ANKRD12: variants seen among roughly 807,000 people sequenced by gnomAD.
ANKRD12 encodes the protein ankyrin repeat domain-containing protein 12.
In ANKRD12, 85 loss-of-function variants were observed where a neutral mutation model predicts 183.4. That is an observed-to-expected ratio of 0.46 (90% confidence interval 0.39 to 0.56). The LOEUF is 0.56. Ranked by LOEUF, ANKRD12 falls within the 20% of genes least tolerant of loss-of-function variation. The probability of loss-of-function intolerance (pLI) is 0.00; values close to 1 mark genes in which losing one functional copy is unlikely to be tolerated. For missense variants in ANKRD12, 2,405 were observed against 2,357.1 expected (o/e 1.02, Z -0.42); for synonymous variants, 914 against 800.2 (o/e 1.14, Z -2.40).
At chr18:9,172,842 T>C (rs1304528322) in intron 1 of ANKRD12, among the ~76,000 whole-genome samples, 1 of 152,188 alleles carries the variant, frequency 6.6e-6, no homozygotes. Flanking sequence ...TTTCTCATCT[T>C]TGTGGGCTTA....
chr18:9,234,855 G>A (rs990917816), intron 8 of ANKRD12, among the ~76,000 whole-genome samples: 1 of 152,138 alleles, frequency 6.6e-6, no homozygotes, highest in African/African-American at 2.4e-5. Flanking sequence ...TTGTAGTTCA[G>A]ATTGCAGCAG....
chr18:9,242,618 A>C (rs1242192862), intron 8 of ANKRD12, among the ~76,000 whole-genome samples: 1 of 152,192 alleles, frequency 6.6e-6, no homozygotes, highest in East Asian at 1.9e-4. Context: ...CGACATCAAA[A>C]TTTTTGTAGT....
chr18:9,261,075 A>T (rs185977264), intron 9 of ANKRD12, among the ~76,000 whole-genome samples: 3 of 152,108 alleles, frequency 2.0e-5, no homozygotes, highest in Admixed American at 2.0e-4. Context: ...GTATTTTTCG[A>T]ACCCATTTCC....
Position 9,275,536 on chromosome 18 carries a change from G to T in ANKRD12, c.5776G>T (p.Val1926Leu), listed in dbSNP as rs774191390. Residue 1926 changes from valine (V) to leucine (L), a missense_variant, in exon 11 of 13, where the codon GTA becomes TTA. By Grantham distance (32) the Val-to-Leu change is conservative. Transcript: ENST00000262126. ...QHSIEREKLI[V>L]SNEQEVLRVH... ...TTTATTCAACTAGGAAAAACTCATT[G>T]TATCCAACGAACAAGAAGTTTTGCG... 10 of 1,600,222 alleles carry T rather than the reference G, an allele frequency of 6.2e-6. No individual in the cohort carries two copies. The highest frequency in any genetic ancestry group is 6.8e-6 in the Non-Finnish European group (8 of 1,173,546).
rs574728493 is a variant in ANKRD12 at position 9,284,429 on chromosome 18, A to G, written c.*3303A>G. 2 of 152,292 alleles carry G rather than the reference A, an allele frequency of 1.3e-5. No homozygotes were observed. The highest frequency in any genetic ancestry group is 3.9e-4 in the East Asian group (2 of 5,190). The allele number at this position is 152,292 out of a possible 1,614,324, so 9.4% of individuals were successfully genotyped here. ...GTCTCTGATATCTTAAAACATAAAA[A>G]CCCAAAATTTTATATAGAAGAAATT... On this transcript the variant is annotated 3_prime_UTR_variant, in exon 13 of 13. Transcript: ENST00000262126.
At chr18:9,278,953 G>A (rs2039980204) in intron 11 of ANKRD12, among the ~76,000 whole-genome samples, 1 of 151,938 alleles carries the variant, frequency 6.6e-6, no homozygotes, top group African/African-American at 2.4e-5. Flanking sequence ...ACAAGCTGAA[G>A]AGAGGTTACC....
chr18:9,169,517 C>A (rs182618833), intron 1 of ANKRD12, among the ~76,000 whole-genome samples: 1,625 of 151,946 alleles, frequency 0.011, 22 homozygotes, highest in African/African-American at 0.037. Flanking sequence ...CTGTTTTATC[C>A]GAGACTAGGA....
chr18:9,170,800 G>GT (rs2032631177), intron 1 of ANKRD12, among the ~76,000 whole-genome samples: 1 of 152,128 alleles, frequency 6.6e-6, no homozygotes, highest in Non-Finnish European at 1.5e-5. Flanking sequence ...AGAGTTTCCA[G>GT]TTTTTCTGCT....
At chr18:9,205,526 G>A (rs988509374) in intron 4 of ANKRD12, among the ~76,000 whole-genome samples, 2 of 151,990 alleles carry the variant, frequency 1.3e-5, no homozygotes, top group East Asian at 1.9e-4. Context: ...GTAGTGCCTG[G>A]TTACCAAAAT....
At position 9,257,119 on chromosome 18, in the gene ANKRD12, C is replaced by T. The variant is rs2038680795; in HGVS notation, c.3852C>T (p.Ser1284=). The change falls in exon 9 of 13, where the codon TCC becomes TCT. Residue 1284 remains serine, a synonymous_variant. Coordinates refer to ENST00000262126, the MANE Select transcript of ANKRD12 (RefSeq NM_015208.5). ...CATATGCAAACAGACTTTCAACATCCCATCTTAGGTCATCTTCTGTAGAAG... is the reference window on the plus strand; with the variant it reads ...CATATGCAAACAGACTTTCAACATCTCATCTTAGGTCATCTTCTGTAGAAG... ...KPPYANRLST[S]HLRSSSVEDV... The T allele has an allele frequency of 1.2e-6, 2 of 1,614,138 alleles. No homozygotes were observed. The highest frequency in any genetic ancestry group is 1.3e-5 in the African/African-American group (1 of 75,036).
At chr18:9,168,593 A>G (rs2032338173) in intron 1 of ANKRD12, among the ~76,000 whole-genome samples, 1 of 151,916 alleles carries the variant, frequency 6.6e-6, no homozygotes. Context: ...TATTGCGTCT[A>G]TTTGATTCTT....
At chr18:9,160,976 AT>A (rs1349895876) in intron 1 of ANKRD12, among the ~76,000 whole-genome samples, 22 of 152,054 alleles carry the variant, frequency 1.4e-4, no homozygotes, top group Non-Finnish European at 2.9e-5. Flanking sequence ...GTTTTGGTGT[AT>A]TTTGTTCTCC....
rs772304344 is a variant in ANKRD12, at chr18:9,254,843, A to T, written c.1576A>T (p.Ser526Cys). The change falls in exon 9 of 13, where the codon AGC (serine) becomes TGC (cysteine). Residue 526 changes from serine to cysteine, a missense_variant. By Grantham distance (112) the Ser-to-Cys change is moderately radical. Around this residue, in one of 7 missense-constraint regions of ANKRD12, gnomAD observed 1,983 missense variants for 1,725.9 expected, o/e 1.15. Transcript: ENST00000262126. ...GGAGGGGAACTTTAGGAAATCTTTT[A>T]GCCCAAAAGATGATACTTCATTACA... ...REEGNFRKSF[S>C]PKDDTSLHLF... The T allele has an allele frequency of 1.3e-6, 2 of 1,494,664 alleles. No individual in the cohort carries two copies. The highest frequency in any genetic ancestry group is 4.7e-5 in the East Asian group (2 of 42,380). The allele number at this position is 1,494,664 out of a possible 1,614,324, so 92.6% of individuals were successfully genotyped here. A position where few individuals can be genotyped will look rare whatever the true frequency, so the allele number is the denominator to read the frequency against.
In ANKRD12 at chr18:9,255,797, GA is replaced by G; in HGVS notation, c.2534del (p.Lys845ArgfsTer3). 6.4e-7 allele frequency: 1 copy of G among 1,573,176 alleles called. No homozygotes were observed. Among genetic ancestry groups the G allele is most frequent in the Non-Finnish European group, 8.6e-7 (1 of 1,168,730 alleles). On this transcript the variant is annotated frameshift_variant, in exon 9 of 13. Transcript: ENST00000262126. LOFTEE classifies it high-confidence loss of function. ...GATGGAAAGAAAAACCTTTGAAAAAGAAAAGAAGATAAAACATGAGCATAAG... is the reference window on the plus strand; with the variant it reads ...GATGGAAAGAAAAACCTTTGAAAAAGAAAGAAGATAAAACATGAGCATAAG... ...EKMERKTFEK[E>X]KKIKHEHKSE...
chr18:9,277,675 TAAAAAC>T (rs2039917503), intron 11 of ANKRD12, among the ~76,000 whole-genome samples: 1 of 151,934 alleles, frequency 6.6e-6, no homozygotes, highest in Non-Finnish European at 1.5e-5. Context: ...TCATTAAAAA[TAAAAAC>T]AAATTCATAG....
intron 1 of ANKRD12, among the ~76,000 whole-genome samples, chr18:9,167,192 C>G: frequency 6.6e-6 from 1 of 152,140 alleles, no homozygotes. Flanking sequence ...ATTGACTTGG[C>G]AATGCGGGCT....
At chr18:9,264,665 A>C (rs1220672642) in intron 10 of ANKRD12, among the ~76,000 whole-genome samples, 7 of 152,240 alleles carry the variant, frequency 4.6e-5, no homozygotes. Flanking sequence ...AGAAAGAAGC[A>C]CAATACAGAA....
At position 9,255,425 on chromosome 18, in the gene ANKRD12, T is replaced by C; in HGVS notation, c.2158T>C (p.Leu720=). Residue 720 remains leucine (L), a synonymous_variant, in exon 9 of 13, where the codon TTA becomes CTA. Transcript: ENST00000262126. ...AAATATGGAACATGAATCCTTAACA[T>C]TAGAAAAAAAATCAAAATTGGAAAA... ...FLNMEHESLT[L]EKKSKLEKNI... 1 of 1,571,592 alleles carries C rather than the reference T, an allele frequency of 6.4e-7. No homozygotes were observed.
chr18:9,143,796 ACAC>A (rs1171446753), intron 1 of ANKRD12, among the ~76,000 whole-genome samples: 4 of 151,908 alleles, frequency 2.6e-5, no homozygotes, highest in Admixed American at 6.6e-5. Context: ...ATATGACCAA[ACAC>A]CACCACCACC....
Sources: allele counts gnomAD v4.1 joint callset (sites outside exome capture counted in the v4.1 genomes callset), GRCh38; gene constraint gnomAD v4.1.1; regional missense constraint gnomAD v4.1.1; transcripts MANE v1.5; gene names NCBI Gene and HGNC (gene_info 2026-07-23, HGNC 2026-07-21).